ZC3H12B: variants seen among roughly 807,000 people sequenced by gnomAD.
ZC3H12B encodes zinc finger CCCH-type containing 12B, also known as probable ribonuclease ZC3H12B.
Under a neutral mutation model 43.9 loss-of-function variants are expected in ZC3H12B, and 7 were observed. The ratio of observed to expected loss-of-function variants is 0.16; its 90% CI spans 0.09 to 0.30. ZC3H12B has a LOEUF of 0.30. ZC3H12B is among the 10% of genes least tolerant of loss of function. The pLI, the probability that ZC3H12B is intolerant of heterozygous loss-of-function variation, is 1.00. For missense variants in ZC3H12B, 475 were observed against 670.2 expected (o/e 0.71, Z 3.22); for synonymous variants, 222 against 241.7 (o/e 0.92, Z 0.76).
At chrX:65,289,446 C>T in the ZC3H12B span, among the ~76,000 whole-genome samples, 3 of 109,888 alleles carry the variant, frequency 2.7e-5, no homozygotes, top group African/African-American at 9.9e-5. Flanking sequence ...CGGTGACATG[C>T]AATTTACCCA....
chrX:65,303,644 C>A, the ZC3H12B span, among the ~76,000 whole-genome samples: 2 of 112,226 alleles, frequency 1.8e-5, no homozygotes, highest in Admixed American at 9.4e-5. Flanking sequence ...TCCATTTGAA[C>A]ACTTTTATTT....
At chrX:65,312,291 A>G in the ZC3H12B span, among the ~76,000 whole-genome samples, 1 of 111,957 alleles carries the variant, frequency 8.9e-6, no homozygotes, top group Non-Finnish European at 1.9e-5. Context: ...GGTGAGTTGC[A>G]TAAAGGGAAC....
chrX:65,384,562 A>G (rs1220480943), intron 2 of ZC3H12B, among the ~76,000 whole-genome samples: 3 of 111,694 alleles, frequency 2.7e-5, no homozygotes, highest in East Asian at 2.8e-4. Context: ...GGTATTCCTT[A>G]AAAGTTAACC....
rs1273773667 is a variant in ZC3H12B, at chrX:65,456,631, A to G, written n.408-32015A>G. Among the ~76,000 whole-genome samples, 309 of 100,357 alleles carry G rather than the reference A, an allele frequency of 3.1e-3. 3 individuals carry two copies. Among genetic ancestry groups the G allele is most frequent in the African/African-American group, 0.011 (292 of 27,041 alleles). The allele number at this position is 100,357 out of a possible 115,157, so 87.1% of individuals were successfully genotyped here. On this transcript the variant is annotated intron_variant and non_coding_transcript_variant, in intron 3 of 5. Coordinates refer to the ZC3H12B transcript ENST00000617377. ...TTTTCGTTTTTTTTTTTTGGTGGAG[A>G]CGGGGTTTTGCTGTGTTGGCCGGGC...
the ZC3H12B span, among the ~76,000 whole-genome samples, chrX:65,085,949 C>A: frequency 1.8e-5 from 2 of 110,424 alleles, no homozygotes; most frequent in Admixed American, 1.9e-4. Flanking sequence ...GATCACAGAG[C>A]ATACAGCAAA....
chrX:65,092,142 A>G, the ZC3H12B span, among the ~76,000 whole-genome samples: 2 of 111,882 alleles, frequency 1.8e-5, no homozygotes, highest in African/African-American at 6.5e-5. Flanking sequence ...GCCTTCCATC[A>G]TGATTTTAAG....
chrX:65,138,517 A>C, the ZC3H12B span, among the ~76,000 whole-genome samples: 1 of 112,156 alleles, frequency 8.9e-6, no homozygotes, highest in African/African-American at 3.2e-5. Context: ...TATTTATACT[A>C]TTTTGAATAA....
chrX:65,157,105 C>G, the ZC3H12B span, among the ~76,000 whole-genome samples: 1 of 110,989 alleles, frequency 9.0e-6, no homozygotes, highest in African/African-American at 3.3e-5. Flanking sequence ...CCTCAGCCTC[C>G]CAAGTAGCTG....
chrX:65,195,597 G>A, the ZC3H12B span, among the ~76,000 whole-genome samples: 1 of 112,095 alleles, frequency 8.9e-6, no homozygotes, highest in African/African-American at 3.2e-5. Context: ...CAGGCTGGTG[G>A]AAAAAATATT....
upstream of ZC3H12B, among the ~76,000 whole-genome samples, chrX:65,363,988 A>G (rs966537490): frequency 9.1e-6 from 1 of 110,294 alleles, no homozygotes; most frequent in Non-Finnish European, 1.9e-5. Flanking sequence ...TCCTGATACC[A>G]CACCTGACCC....
At chrX:65,095,325 A>G in the ZC3H12B span, among the ~76,000 whole-genome samples, 2 of 111,851 alleles carry the variant, frequency 1.8e-5, no homozygotes, top group Non-Finnish European at 3.8e-5. Context: ...ATGGTCTGGC[A>G]TGTAAAGAGC....
chrX:65,258,199 C>A, the ZC3H12B span, among the ~76,000 whole-genome samples: 3,624 of 111,429 alleles, frequency 0.033, 83 homozygotes, highest in Non-Finnish European at 0.053. Flanking sequence ...CAATCAAGCA[C>A]ATCAAAAAGC....
the ZC3H12B span, among the ~76,000 whole-genome samples, chrX:65,255,908 C>T: frequency 4.5e-5 from 5 of 112,167 alleles, no homozygotes; most frequent in Non-Finnish European, 9.4e-5. Context: ...ACAAAACTGA[C>T]TTTAAACCAA....
the ZC3H12B span, among the ~76,000 whole-genome samples, chrX:65,050,915 TA>T: frequency 1.8e-5 from 2 of 111,730 alleles, no homozygotes; most frequent in African/African-American, 6.5e-5. Context: ...CTGGATTTGT[TA>T]AAAGGGTAAT....
chrX:65,269,180 A>G, the ZC3H12B span, among the ~76,000 whole-genome samples: 2 of 110,323 alleles, frequency 1.8e-5, no homozygotes, highest in African/African-American at 6.6e-5. Flanking sequence ...CCCCATCTCT[A>G]CTAAAAATAC....
the ZC3H12B span, among the ~76,000 whole-genome samples, chrX:65,206,940 T>C: frequency 3.7e-5 from 4 of 107,956 alleles, no homozygotes; most frequent in South Asian, 1.6e-3. Context: ...GAAATGCAAA[T>C]CAAAACCACA....
At chrX:65,131,923 C>T in the ZC3H12B span, among the ~76,000 whole-genome samples, 18 of 110,781 alleles carry the variant, frequency 1.6e-4, no homozygotes, top group Admixed American at 4.8e-4. Flanking sequence ...AGAAGGTCAT[C>T]GATATATTGA....
At chrX:65,319,707 T>G in the ZC3H12B span, among the ~76,000 whole-genome samples, 4 of 110,680 alleles carry the variant, frequency 3.6e-5, no homozygotes, top group African/African-American at 1.3e-4. Flanking sequence ...TAGCAGCACA[T>G]CAAAAAGCTA....
chrX:65,144,062 G>T, the ZC3H12B span, among the ~76,000 whole-genome samples: 99 of 111,656 alleles, frequency 8.9e-4, no homozygotes, highest in Non-Finnish European at 1.6e-3. Context: ...GTGGAATTGT[G>T]TCAGTAGGAT....
Sources: allele counts gnomAD v4.1 joint callset (sites outside exome capture counted in the v4.1 genomes callset), GRCh38; gene constraint gnomAD v4.1.1; transcripts MANE v1.5; gene names NCBI Gene and HGNC (gene_info 2026-07-23, HGNC 2026-07-21).